Variants in PCDHGB1 observed in about 807,000 individuals in gnomAD.
The protein encoded by PCDHGB1 is protocadherin gamma subfamily B, 1, also known as protocadherin gamma-B1.
PCDHGB1 carries 34 observed loss-of-function variants against 56.6 expected under a neutral mutation model. The observed-to-expected ratio is 0.60, with a 90% CI of 0.46 to 0.80. PCDHGB1 has a LOEUF of 0.80. PCDHGB1 is among the 30% of genes least tolerant of loss of function. PCDHGB1 has a pLI of 0.00. For synonymous variants in PCDHGB1, 561 were observed against 505.9 expected (o/e 1.11, Z -1.46); for missense variants, 1,278 against 1,204.6 (o/e 1.06, Z -0.90).
At chr5:141,483,700 T>C (rs1003495517) in intron 1 of PCDHGB1, among the ~76,000 whole-genome samples, 4 of 152,090 alleles carry the variant, frequency 2.6e-5, no homozygotes, top group Admixed American at 2.6e-4. Context: ...ATTCCTCTTT[T>C]TGACACCAGA....
chr5:141,432,960 G>C lies in PCDHGB1; in HGVS notation c.2410-61847G>C. ...CAGGCTTCAGGAGGCGGCTTGACAG[G>C]AGCGCCGGCGTCGCACTTTGTGGGC... On this transcript the variant is annotated intron_variant, in intron 1 of 3. Transcript: ENST00000523390. This position sits in a 1 kb window ranked among gnomAD's most constrained non-coding sequence, Gnocchi z 6.0. The C allele has an allele frequency of 2.5e-6, 4 of 1,614,188 alleles. No homozygotes were observed. The highest frequency in any genetic ancestry group is 3.4e-6 in the Non-Finnish European group (4 of 1,180,034).
At chr5:141,413,199 A>T in intron 1 of PCDHGB1, 1 of 1,611,930 alleles carries the variant, frequency 6.2e-7, no homozygotes, top group Non-Finnish European at 8.5e-7. Flanking sequence ...GGAATCGCTC[A>T]AAGGAATCAA....
At chr5:141,378,925 T>C (rs1202116224) in intron 1 of PCDHGB1, 1 of 152,246 alleles carries the variant, frequency 6.6e-6, no homozygotes, top group African/African-American at 2.4e-5. Context: ...CAAAAGTAAG[T>C]TGATGGCCCT....
intron 1 of PCDHGB1, among the ~76,000 whole-genome samples, chr5:141,481,761 G>A (rs984825493): frequency 2.6e-5 from 4 of 152,234 alleles, no homozygotes; most frequent in Non-Finnish European, 2.9e-5. Context: ...AGACCAGCCT[G>A]GCCAACATGG....
At chr5:141,385,399 G>A in intron 1 of PCDHGB1, 1 of 1,492,926 alleles carries the variant, frequency 6.7e-7, no homozygotes, top group Non-Finnish European at 8.9e-7. Flanking sequence ...CAAAACAAAT[G>A]TTTTGAAAAT....
intron 1 of PCDHGB1, among the ~76,000 whole-genome samples, chr5:141,470,854 A>G (rs553276517): frequency 6.6e-6 from 1 of 152,028 alleles, no homozygotes; most frequent in Admixed American, 6.6e-5. Context: ...TGCTCAGATA[A>G]GTTTTTTGTT....
chr5:141,496,276 G>C (rs1189269883), intron 2 of PCDHGB1, among the ~76,000 whole-genome samples: 1 of 152,204 alleles, frequency 6.6e-6, no homozygotes, highest in Admixed American at 6.5e-5. Flanking sequence ...AAGACCTTCA[G>C]TTGGTCTGAG....
intron 1 of PCDHGB1, among the ~76,000 whole-genome samples, chr5:141,443,070 T>C (rs983773796): frequency 6.6e-6 from 1 of 152,244 alleles, no homozygotes; most frequent in African/African-American, 2.4e-5. Flanking sequence ...GAGCGTCTTA[T>C]GACTGAGTGT....
intron 1 of PCDHGB1, among the ~76,000 whole-genome samples, chr5:141,481,259 C>T (rs1176419744): frequency 1.3e-5 from 2 of 152,146 alleles, no homozygotes; most frequent in African/African-American, 4.8e-5. Context: ...TCTAAAAGAT[C>T]ACTGTAGGAA....
rs371176166 is a variant in PCDHGB1 at position 141,350,480 on chromosome 5, G to C, written c.220G>C (p.Val74Leu). ...GGTTAGTGCAGAGGATTATTTCAAC[G>C]TTAGTTTGGAGAGCGGGGATTTGTT... ...LRVSAEDYFN[V>L]SLESGDLLVN... The change falls in exon 1 of 4, where the codon GTT becomes CTT. Residue 74 changes from valine to leucine, a missense_variant. Transcript: ENST00000523390. 8 of 1,614,016 alleles carry C rather than the reference G, an allele frequency of 5.0e-6. No homozygotes were observed. Among genetic ancestry groups the C allele is most frequent in the Non-Finnish European group, 5.9e-6 (7 of 1,179,892 alleles).
chr5:141,400,452 A>C, intron 1 of PCDHGB1: 3 of 1,614,038 alleles, frequency 1.9e-6, no homozygotes, highest in Non-Finnish European at 2.5e-6. Context: ...GACAAGACAT[A>C]CTTTGTGGTG....
At chr5:141,379,890 T>TTTTTTTTTTTTTTTTTTTTTTG (rs1776022019) in intron 1 of PCDHGB1, among the ~76,000 whole-genome samples, 1 of 25,360 alleles carries the variant, frequency 3.9e-5, no homozygotes, top group Non-Finnish European at 6.4e-5. Context: ...TGAAAGCCTC[T>TTTTTTTTTTTTTTTTTTTTTTG]TTTTTTTTTT....
chr5:141,408,013 CCA>C, intron 1 of PCDHGB1: 1 of 989,288 alleles, frequency 1.0e-6, no homozygotes, highest in Non-Finnish European at 1.4e-6. Flanking sequence ...CCCTGCGCAG[CCA>C]ACAACAGAAA....
chr5:141,382,147 C>A (rs1343948050), intron 1 of PCDHGB1, among the ~76,000 whole-genome samples: 1 of 151,884 alleles, frequency 6.6e-6, no homozygotes, highest in East Asian at 1.9e-4. Context: ...ATTTTTTAAA[C>A]GGTTAAAATG....
intron 1 of PCDHGB1, among the ~76,000 whole-genome samples, chr5:141,453,492 G>T (rs1046043468): frequency 6.6e-6 from 1 of 152,000 alleles, no homozygotes; most frequent in Non-Finnish European, 1.5e-5. Flanking sequence ...AAAAAAAGGT[G>T]TACTCAGAAA....
At position 141,417,888 on chromosome 5, in the gene PCDHGB1, G is replaced by C. The variant is rs1406210540; in HGVS notation, c.2409+65219G>C. ...GGAGGGAGCTGCGCGCAGAGGCGCC[G>C]GGCCGGCCCGCGGCAGGTACTATTT... is the stretch of plus-strand genomic sequence containing the variant. On this transcript the variant is annotated intron_variant, in intron 1 of 3. Transcript: ENST00000523390. 1.3e-6 allele frequency: 2 copies of C among 1,566,652 alleles called. No homozygotes were observed. The highest frequency in any genetic ancestry group is 1.7e-4 in the Middle Eastern group (1 of 6,016).
intron 1 of PCDHGB1, chr5:141,419,027 GTTCCAT>G: frequency 6.2e-7 from 1 of 1,613,870 alleles, no homozygotes; most frequent in Non-Finnish European, 8.5e-7. Context: ...AAGTAGAGGT[GTTCCAT>G]TTAAGATTCA....
chr5:141,415,947 C>T (rs1161530180), intron 1 of PCDHGB1: 1 of 532,382 alleles, frequency 1.9e-6, no homozygotes, highest in Admixed American at 4.2e-5. Flanking sequence ...CCTGGGTGGT[C>T]ACATATTGAA....
chr5:141,398,708 T>A, intron 1 of PCDHGB1: 2 of 1,613,886 alleles, frequency 1.2e-6, no homozygotes, highest in Non-Finnish European at 1.7e-6. Context: ...TACCCGGAAC[T>A]GGCACTGGAG....
Sources: allele counts gnomAD v4.1 joint callset (sites outside exome capture counted in the v4.1 genomes callset), GRCh38; gene constraint gnomAD v4.1.1; non-coding constraint Gnocchi (gnomAD v3.1); transcripts MANE v1.5; gene names NCBI Gene and HGNC (gene_info 2026-07-23, HGNC 2026-07-21).